The following KCNQ3 variants were observed in gnomAD, a reference collection of about 807,000 sequenced individuals.
KCNQ3 encodes the protein potassium voltage-gated channel subfamily Q member 3, also known as potassium voltage-gated channel subfamily KQT member 3.
KCNQ3 carries 30 observed loss-of-function variants against 92.5 expected under a neutral mutation model. The ratio of observed to expected loss-of-function variants is 0.32; its 90% CI spans 0.24 to 0.44. The LOEUF is 0.44. Among genes scored for constraint, KCNQ3 ranks in the 20% least tolerant of loss-of-function variants. The probability of loss-of-function intolerance (pLI) is 1.00; values close to 1 mark genes in which losing one functional copy is unlikely to be tolerated. For missense variants in KCNQ3, 913 were observed against 1,140.3 expected (o/e 0.80, Z 2.87); for synonymous variants, 450 against 468.8 (o/e 0.96, Z 0.52).
At chr8:132,396,798 T>A (rs1236283949) in intron 1 of KCNQ3, among the ~76,000 whole-genome samples, 1 of 152,118 alleles carries the variant, frequency 6.6e-6, no homozygotes, top group African/African-American at 2.4e-5. Context: ...ATCACCTGAA[T>A]TCATTAAGAG....
rs1386049433 is a variant in KCNQ3 at position 132,480,871 on chromosome 8, C to G, written c.-339G>C. On this transcript the variant is annotated 5_prime_UTR_variant, in exon 1 of 15. Transcript: ENST00000388996. ...GCGGCGGGAGCCTGGAACCGGCGCT[C>G]CGGGGCGGCGGCGGCGGCGGCGGCA... The G allele has an allele frequency of 1.9e-5, 3 of 154,346 alleles. No homozygotes were observed. The highest frequency in any genetic ancestry group is 4.2e-5 in the Non-Finnish European group (3 of 71,878). 9.6% of individuals were successfully genotyped at this position (154,346 alleles called of 1,614,324 possible).
intron 1 of KCNQ3, among the ~76,000 whole-genome samples, chr8:132,283,092 CGT>C (rs1195934839): frequency 0.1 from 13,613 of 130,396 alleles, 1,108 homozygotes; most frequent in African/African-American, 0.27. Context: ...CTCTCTCTCT[CGT>C]GTGTGTGTGT....
At chr8:132,283,036 C>T (rs929011919) in intron 1 of KCNQ3, among the ~76,000 whole-genome samples, 1 of 151,438 alleles carries the variant, frequency 6.6e-6, no homozygotes, top group Admixed American at 6.6e-5. Flanking sequence ...GATGGGAAAC[C>T]GAACATACAG....
At chr8:132,253,130 T>A (rs1815470319) in intron 1 of KCNQ3, among the ~76,000 whole-genome samples, 1 of 152,214 alleles carries the variant, frequency 6.6e-6, no homozygotes, top group Admixed American at 6.5e-5. Context: ...CATATATTTA[T>A]GGAAGGTTTC....
intron 1 of KCNQ3, among the ~76,000 whole-genome samples, chr8:132,382,702 G>A (rs1459882296): frequency 2.0e-5 from 3 of 152,194 alleles, no homozygotes; most frequent in South Asian, 2.1e-4. Flanking sequence ...TTAGCCTCAA[G>A]AGAGTCAGTG....
At chr8:132,399,098 C>A (rs1820269097) in intron 1 of KCNQ3, among the ~76,000 whole-genome samples, 1 of 152,198 alleles carries the variant, frequency 6.6e-6, no homozygotes, top group Non-Finnish European at 1.5e-5. Context: ...GAATGCACAT[C>A]AATGACAGAA....
Position 132,480,627 on chromosome 8 carries a change from C to A in KCNQ3, c.-95G>T. On this transcript the variant is annotated 5_prime_UTR_variant, in exon 1 of 15. Transcript: ENST00000388996. ...GTGAACGAGGCGGCGGCGGCGGCTG[C>A]AAGCCCGGGAACTCCAATGCCATGA... is the stretch of plus-strand genomic sequence containing the variant. The A allele has an allele frequency of 8.5e-7, 1 of 1,175,536 alleles. No homozygotes were observed. The highest frequency in any genetic ancestry group is 1.1e-6 in the Non-Finnish European group (1 of 931,522). The allele number at this position is 1,175,536 out of a possible 1,614,324, so 72.8% of individuals were successfully genotyped here.
chr8:132,399,176 T>C (rs933097892), intron 1 of KCNQ3, among the ~76,000 whole-genome samples: 43 of 152,240 alleles, frequency 2.8e-4, no homozygotes, highest in African/African-American at 1.0e-3. Context: ...CAACTTGTTT[T>C]GCAGGTTCTT....
chr8:132,175,785 A>G (rs745970467), intron 4 of KCNQ3, among the ~76,000 whole-genome samples, 177 bp from the exon 5 acceptor site: 31 of 152,186 alleles, frequency 2.0e-4, no homozygotes, highest in Non-Finnish European at 4.1e-4. Flanking sequence ...TTAACATGGT[A>G]GTTATTTCAT....
chr8:132,144,940 A>G (rs1297816527), intron 9 of KCNQ3, among the ~76,000 whole-genome samples: 1 of 152,136 alleles, frequency 6.6e-6, no homozygotes, highest in African/African-American at 2.4e-5. Context: ...ACAGGGAAAT[A>G]TTTCACTTAA....
intron 8 of KCNQ3, 23 bp downstream of exon 8, chr8:132,170,311 C>A (rs1389615882): frequency 6.5e-7 from 1 of 1,547,170 alleles, no homozygotes; most frequent in East Asian, 2.2e-5. Flanking sequence ...ACGCCCTGAG[C>A]ATTCAGGTGA....
chr8:132,461,334 C>T (rs1370885591), intron 1 of KCNQ3, among the ~76,000 whole-genome samples: 10 of 152,086 alleles, frequency 6.6e-5, no homozygotes, highest in South Asian at 2.1e-4. Flanking sequence ...GAGGCCGAGG[C>T]GGGTAGATCA....
intron 1 of KCNQ3, among the ~76,000 whole-genome samples, chr8:132,219,248 G>A (rs1024916221): frequency 6.6e-6 from 1 of 152,148 alleles, no homozygotes; most frequent in African/African-American, 2.4e-5. Context: ...GGTGGGGCCT[G>A]GCAAGCTCCT....
rs188095068 is a variant in KCNQ3, at chr8:132,207,059, T to C, written c.387-20878A>G. Among the ~76,000 whole-genome samples, 8 of 152,374 alleles carry C rather than the reference T, an allele frequency of 5.3e-5. No individual in the cohort carries two copies. The East Asian group carries it at 1.3e-3, about 26-fold the overall frequency. On this transcript the variant is annotated intron_variant, in intron 1 of 14. Transcript: ENST00000388996. ...AAAATATGTATAGCCATTGTCTTAC[T>C]GCTAGATATTTGGGTTTAGATTCTT...
chr8:132,322,481 G>A (rs1817922642), intron 1 of KCNQ3, among the ~76,000 whole-genome samples: 1 of 152,172 alleles, frequency 6.6e-6, no homozygotes, highest in Non-Finnish European at 1.5e-5. Context: ...CACCTCCTGA[G>A]CTGTAAGGAC....
chr8:132,149,586 T>C (rs1825570916), intron 9 of KCNQ3, among the ~76,000 whole-genome samples: 2 of 152,346 alleles, frequency 1.3e-5, no homozygotes, highest in South Asian at 2.1e-4. Context: ...TTTGGTTCTA[T>C]GGCATTTATC....
intron 1 of KCNQ3, among the ~76,000 whole-genome samples, chr8:132,397,241 C>T (rs374811047): frequency 6.6e-6 from 1 of 152,210 alleles, no homozygotes; most frequent in South Asian, 2.1e-4. Context: ...GGACTGCTGC[C>T]TGACATGACC....
intron 7 of KCNQ3, among the ~76,000 whole-genome samples, 188 bp from the exon 8 acceptor site, chr8:132,170,616 C>T (rs1476581760): frequency 6.6e-6 from 1 of 152,192 alleles, no homozygotes; most frequent in Non-Finnish European, 1.5e-5. Flanking sequence ...ACTTCCTTGA[C>T]CATCTTGGAG....
intron 1 of KCNQ3, among the ~76,000 whole-genome samples, chr8:132,436,543 G>A (rs1347741098): frequency 1.3e-5 from 2 of 152,192 alleles, no homozygotes; most frequent in East Asian, 3.8e-4. Flanking sequence ...AACAGCTTCT[G>A]TAGACACTAA....
Sources: allele counts gnomAD v4.1 joint callset (sites outside exome capture counted in the v4.1 genomes callset), GRCh38; gene constraint gnomAD v4.1.1; transcripts MANE v1.5; gene names NCBI Gene and HGNC (gene_info 2026-07-23, HGNC 2026-07-21).